Variants in CRNKL1 observed in about 807,000 individuals in gnomAD.
CRNKL1 encodes the protein crooked neck-like protein 1.
Under a neutral mutation model 103.7 loss-of-function variants are expected in CRNKL1, and 35 were observed. That is an observed-to-expected ratio of 0.34 (90% CI 0.26 to 0.45). The LOEUF (loss-of-function observed/expected upper bound fraction) is 0.45, where lower values mean the gene tolerates loss of function less well. Ranked by LOEUF, CRNKL1 falls within the 20% of genes least tolerant of loss-of-function variation. The probability of loss-of-function intolerance (pLI) is 1.00; values close to 1 mark genes in which losing one functional copy is unlikely to be tolerated. For missense variants in CRNKL1, 645 were observed against 836.0 expected, an observed-to-expected ratio of 0.77 and a Z score of 2.82; for synonymous variants, 267 against 282.6, an observed-to-expected ratio of 0.94 and a Z score of 0.55.
chr20:20,048,306 G>T (rs908274461), intron 4 of CRNKL1, 37 bp downstream of exon 4: 2 of 1,606,516 alleles, frequency 1.2e-6, no homozygotes, highest in Non-Finnish European at 8.5e-7. Flanking sequence ...AACTTTGCTA[G>T]TCTATAAAAG....
At position 20,045,395 on chromosome 20, in the gene CRNKL1, A is replaced by G. The variant is rs1374010350; in HGVS notation, c.714T>C (p.Tyr238=). ...HAYFAHARKV[Y]ERAVEFFGDE... ...CTCCAAAGAATTCCACAGCTCTCTC[A>G]TACACTTTCCGTGCATGGGCAAAAT... Residue 238 remains tyrosine (Y), a synonymous_variant, in exon 6 of 14, where the codon TAT becomes TAC. Transcript: ENST00000536226. 4 of 1,613,374 alleles carry G rather than the reference A, an allele frequency of 2.5e-6. No individual in the cohort carries two copies. The highest frequency in any genetic ancestry group is 3.4e-6 in the Non-Finnish European group (4 of 1,179,460).
chr20:20,044,175 T>A (rs561752326), intron 6 of CRNKL1, among the ~76,000 whole-genome samples: 1 of 152,260 alleles, frequency 6.6e-6, no homozygotes, highest in Admixed American at 6.5e-5. Flanking sequence ...TTCAAAAGTC[T>A]CCCCACTGGT....
At chr20:20,037,601 TA>T in intron 12 of CRNKL1, 30 bp from the exon 13 acceptor site, 1 of 1,600,250 alleles carries the variant, frequency 6.2e-7, no homozygotes. Flanking sequence ...TGAACCAAAT[TA>T]ACCATATCAC....
Position 20,034,513 on chromosome 20 carries a change from A to ATGAC in CRNKL1, c.*1678_*1681dup. The ATGAC allele has an allele frequency of 6.6e-6, 1 of 151,880 alleles. No homozygotes were observed. Among genetic ancestry groups the ATGAC allele is most frequent in the East Asian group, 1.9e-4 (1 of 5,180 alleles). 9.4% of individuals were successfully genotyped at this position (151,880 alleles called of 1,614,324 possible). A position where few individuals can be genotyped will look rare whatever the true frequency, so the allele number is the denominator to read the frequency against. Reference sequence around the variant, plus strand: ...CTTATTACAATTCTACCTTGGGAACATGACAGAATTTTTTTCTTATGCATT... The same window carrying ATGAC: ...CTTATTACAATTCTACCTTGGGAACATGACTGACAGAATTTTTTTCTTATGCATT... On this transcript the variant is annotated 3_prime_UTR_variant, in exon 14 of 14. Transcript: ENST00000536226.
chr20:20,045,571 C>G, intron 5 of CRNKL1, 85 bp from the exon 6 acceptor site: 1 of 1,227,012 alleles, frequency 8.1e-7, no homozygotes, highest in Non-Finnish European at 1.1e-6. Flanking sequence ...CATACCAAAG[C>G]CTGGAAACTC....
At chr20:20,038,075 G>A (rs1200826974) in intron 12 of CRNKL1, among the ~76,000 whole-genome samples, 1 of 150,036 alleles carries the variant, frequency 6.7e-6, no homozygotes, top group African/African-American at 2.5e-5. Flanking sequence ...GACACAGCAA[G>A]ACTCCGTCTC....
Position 20,052,279 on chromosome 20 carries a change from C to G in CRNKL1, c.51+13G>C. On this transcript the variant is annotated intron_variant, in intron 1 of 13. Transcript: ENST00000536226. ...CTAGGCCACCTCCTACAAGGCCCCT[C>G]GCGATCGCCTACCTTGGCCACTTTG... is the stretch of plus-strand genomic sequence containing the variant. 2 of 1,602,220 alleles carry G rather than the reference C, an allele frequency of 1.2e-6. No individual in the cohort carries two copies. Among genetic ancestry groups the G allele is most frequent in the Non-Finnish European group, 1.7e-6 (2 of 1,175,856 alleles).
chr20:20,048,063 A>G, intron 4 of CRNKL1, 132 bp from the exon 5 acceptor site: 1 of 1,207,046 alleles, frequency 8.3e-7, no homozygotes, highest in Non-Finnish European at 1.2e-6. Context: ...TAAATCTGAA[A>G]AAGGATGAAC....
chr20:20,046,413 C>T (rs2043594999), intron 5 of CRNKL1, among the ~76,000 whole-genome samples: 1 of 152,140 alleles, frequency 6.6e-6, no homozygotes, highest in Admixed American at 6.5e-5. Flanking sequence ...AACATTGTCA[C>T]CTCAACAGAG....
intron 1 of CRNKL1, among the ~76,000 whole-genome samples, chr20:20,051,439 C>T (rs1172712918): frequency 6.6e-6 from 1 of 152,028 alleles, no homozygotes; most frequent in Non-Finnish European, 1.5e-5. Context: ...TTCCATTGGA[C>T]CAGTGATGCC....
chr20:20,052,408 T>C lies in CRNKL1; in HGVS notation c.-66A>G, dbSNP rs2043789319. On this transcript the variant is annotated 5_prime_UTR_variant, in exon 1 of 14. Transcript: ENST00000536226. ...GACGCTAGAAATCGGCTCTGAGAGC[T>C]CACCGAAACCACAAAGCTTTCAGAA... 1.9e-6 allele frequency: 3 copies of C among 1,614,040 alleles called. No individual in the cohort carries two copies. Among genetic ancestry groups the C allele is most frequent in the Non-Finnish European group, 2.5e-6 (3 of 1,180,048 alleles).
At chr20:20,053,058 A>G (rs1600272781), upstream of CRNKL1, among the ~76,000 whole-genome samples, 1 of 152,244 alleles carries the variant, frequency 6.6e-6, no homozygotes, top group African/African-American at 2.4e-5. Context: ...AAACATGTTT[A>G]AATTCTGTGT....
upstream of CRNKL1, among the ~76,000 whole-genome samples, chr20:20,055,157 A>G (rs1332555881): frequency 6.6e-6 from 1 of 152,182 alleles, no homozygotes; most frequent in Non-Finnish European, 1.5e-5. Flanking sequence ...TCTTTTTTAA[A>G]TAATGACCTG....
chr20:20,046,609 A>T (rs1208968499), intron 5 of CRNKL1, among the ~76,000 whole-genome samples: 3 of 152,230 alleles, frequency 2.0e-5, no homozygotes, highest in Non-Finnish European at 2.9e-5. Context: ...AAAAGAACTC[A>T]TCCTGGCAGA....
intron 10 of CRNKL1, 140 bp downstream of exon 10, chr20:20,040,546 T>C (rs2043496958): frequency 1.5e-6 from 1 of 674,490 alleles, no homozygotes; most frequent in Admixed American, 2.9e-5. Context: ...AGGACGCATG[T>C]TTTCTAACAT....
In CRNKL1 at chr20:20,034,529, C is replaced by CTT. The variant is rs1247378640; in HGVS notation, c.*1664_*1665dup. On this transcript the variant is annotated 3_prime_UTR_variant, in exon 14 of 14. Coordinates refer to ENST00000536226, the MANE Select transcript of CRNKL1 (RefSeq NM_001278628.2). ...CTTGGGAACATGACAGAATTTTTTT[C>CTT]TTATGCATTCATGCAACATAAACAG... 7.0e-6 allele frequency: 1 copy of CTT among 142,558 alleles called. No homozygotes were observed. The highest frequency in any genetic ancestry group is 2.4e-5 in the African/African-American group (1 of 41,038). 8.8% of individuals were successfully genotyped at this position (142,558 alleles called of 1,614,324 possible).
upstream of CRNKL1, among the ~76,000 whole-genome samples, chr20:20,054,876 G>A (rs1298475154): frequency 2.6e-5 from 4 of 152,146 alleles, no homozygotes; most frequent in East Asian, 3.9e-4. Flanking sequence ...GCTCTGAACT[G>A]AAGGTTCATG....
At chr20:20,043,453 G>C (rs1446600084) in intron 7 of CRNKL1, 39 bp downstream of exon 7, 9 of 1,587,874 alleles carry the variant, frequency 5.7e-6, no homozygotes, top group Non-Finnish European at 6.0e-6. Flanking sequence ...AGCACATCTT[G>C]GGTTATCTGC....
chr20:20,043,689 C>T, intron 6 of CRNKL1, 27 bp from the exon 7 acceptor site: 2 of 1,595,882 alleles, frequency 1.3e-6, no homozygotes, highest in Non-Finnish European at 1.7e-6. Context: ...TGATTACCTT[C>T]TATAACACAA....
Sources: allele counts gnomAD v4.1 joint callset (sites outside exome capture counted in the v4.1 genomes callset), GRCh38; gene constraint gnomAD v4.1.1; transcripts MANE v1.5; gene names NCBI Gene and HGNC (gene_info 2026-07-23, HGNC 2026-07-21).